Variants in AGBL4 observed in about 807,000 individuals in gnomAD.
The protein encoded by AGBL4 is AGBL carboxypeptidase 4, also known as cytosolic carboxypeptidase 6.
Under a neutral mutation model 66.4 loss-of-function variants are expected in AGBL4, and 58 were observed. The ratio of observed to expected loss-of-function variants is 0.87; its 90% CI spans 0.71 to 1.09. AGBL4 has a LOEUF of 1.09. AGBL4 is among the 50% of genes least tolerant of loss of function. The pLI is 0.00. For synonymous variants in AGBL4, 234 were observed against 222.9 expected, an observed-to-expected ratio of 1.05 and a Z score of -0.44; for missense variants, 579 against 631.0, an observed-to-expected ratio of 0.92 and a Z score of 0.88.
At position 48,895,897 on chromosome 1, in the gene AGBL4, A is replaced by G. The variant is rs369058264; in HGVS notation, c.595-28667T>C. Reference sequence around the variant, plus strand: ...TGTCTGCAAGCCATTGAAGAATGCTATGAAAGAAAATGTACCAAAAGTCTA... The same window carrying G: ...TGTCTGCAAGCCATTGAAGAATGCTGTGAAAGAAAATGTACCAAAAGTCTA... On this transcript the variant is annotated intron_variant, in intron 5 of 13. Coordinates refer to ENST00000371839, the MANE Select transcript of AGBL4 (RefSeq NM_032785.4). 5.9e-5 allele frequency among the ~76,000 whole-genome samples: 9 copies of G among 152,350 alleles called. No individual in the cohort carries two copies. The East Asian group carries it at 1.5e-3, about 26-fold the overall frequency.
intron 3 of AGBL4, among the ~76,000 whole-genome samples, chr1:49,342,046 T>C (rs1464214674): frequency 1.3e-5 from 2 of 152,190 alleles, no homozygotes; most frequent in Admixed American, 1.3e-4. Context: ...ATTGAAACCG[T>C]TGATCATCTG....
chr1:49,948,558 T>C (rs1431808630), intron 1 of AGBL4, among the ~76,000 whole-genome samples: 2 of 108,918 alleles, frequency 1.8e-5, no homozygotes, highest in African/African-American at 6.9e-5. Flanking sequence ...TATATAAATA[T>C]ATAAAAATAT....
chr1:48,728,562 C>A (rs947822133), intron 6 of AGBL4, among the ~76,000 whole-genome samples: 1 of 148,908 alleles, frequency 6.7e-6, no homozygotes, highest in African/African-American at 2.5e-5. Context: ...TTCATTTTCA[C>A]TGATGAGTAG....
At chr1:48,637,586 G>A (rs531829572) in intron 8 of AGBL4, among the ~76,000 whole-genome samples, 1 of 152,220 alleles carries the variant, frequency 6.6e-6, no homozygotes, top group Non-Finnish European at 1.5e-5. Flanking sequence ...TGCCCAGGAC[G>A]TAAACTTGGG....
chr1:49,258,849 A>T (rs1652812568), intron 3 of AGBL4, among the ~76,000 whole-genome samples: 1 of 152,188 alleles, frequency 6.6e-6, no homozygotes, highest in Non-Finnish European at 1.5e-5. Flanking sequence ...CAAGACACAT[A>T]ATTGTCAGAT....
chr1:48,729,930 A>T (rs2148551804), intron 6 of AGBL4, among the ~76,000 whole-genome samples: 1 of 152,296 alleles, frequency 6.6e-6, no homozygotes, highest in African/African-American at 2.4e-5. Flanking sequence ...CTGTCTCTCC[A>T]GTCCCACCTC....
intron 1 of AGBL4, among the ~76,000 whole-genome samples, chr1:49,892,564 T>C (rs147381312): frequency 1.3e-5 from 2 of 152,260 alleles, no homozygotes; most frequent in East Asian, 3.9e-4. Context: ...TGCCAATCAC[T>C]GTACCTTCTA....
intron 1 of AGBL4, among the ~76,000 whole-genome samples, chr1:49,885,552 A>T (rs1304848397): frequency 6.6e-6 from 1 of 152,088 alleles, no homozygotes; most frequent in African/African-American, 2.4e-5. Context: ...CTCCCTAGTC[A>T]CATAGTCTAC....
chr1:48,766,973 G>A (rs1644562543), intron 6 of AGBL4, among the ~76,000 whole-genome samples: 1 of 152,164 alleles, frequency 6.6e-6, no homozygotes, highest in South Asian at 2.1e-4. Context: ...AGAGACACTG[G>A]CTTATATAGT....
chr1:49,270,151 T>C (rs1174807878), intron 3 of AGBL4, among the ~76,000 whole-genome samples: 2 of 152,194 alleles, frequency 1.3e-5, no homozygotes, highest in Non-Finnish European at 2.9e-5. Context: ...TACTTTTTGG[T>C]GCTTTCTGGC....
chr1:49,154,282 G>A (rs998908437), intron 4 of AGBL4, among the ~76,000 whole-genome samples: 2 of 151,730 alleles, frequency 1.3e-5, no homozygotes, highest in Non-Finnish European at 2.9e-5. Flanking sequence ...GGAAAACAGG[G>A]AAAGTAACAG....
chr1:48,845,399 C>T (rs1646886901), intron 6 of AGBL4, among the ~76,000 whole-genome samples: 2 of 152,308 alleles, frequency 1.3e-5, no homozygotes, highest in East Asian at 3.9e-4. Flanking sequence ...AAGGATTTCA[C>T]ACAGAATGCG....
intron 5 of AGBL4, among the ~76,000 whole-genome samples, chr1:49,010,817 A>G (rs1339734641): frequency 2.2e-4 from 34 of 151,946 alleles, no homozygotes; most frequent in African/African-American, 6.8e-4. Context: ...TGGGAAAACT[A>G]GCTAGCCATA....
At chr1:48,594,950 C>T (rs1045373693) in intron 9 of AGBL4, among the ~76,000 whole-genome samples, 4 of 152,104 alleles carry the variant, frequency 2.6e-5, no homozygotes, top group Admixed American at 6.6e-5. Flanking sequence ...AAGCCTATAT[C>T]CTCGACTCAA....
chr1:48,543,223 G>T (rs980144212), intron 11 of AGBL4, among the ~76,000 whole-genome samples: 2 of 152,184 alleles, frequency 1.3e-5, no homozygotes, highest in Non-Finnish European at 2.9e-5. Context: ...AGTAGGTGAG[G>T]GGGGCATGCA....
chr1:49,682,301 G>A (rs956635781), intron 3 of AGBL4, among the ~76,000 whole-genome samples: 4 of 152,062 alleles, frequency 2.6e-5, no homozygotes, highest in African/African-American at 9.7e-5. Flanking sequence ...AGGTACAGGA[G>A]GCTGAGGCAG....
chr1:49,474,725 A>G (rs1414964154), intron 3 of AGBL4, among the ~76,000 whole-genome samples: 1 of 152,066 alleles, frequency 6.6e-6, no homozygotes, highest in Non-Finnish European at 1.5e-5. Flanking sequence ...ATAGGTATAA[A>G]AAAGGTATTG....
intron 3 of AGBL4, among the ~76,000 whole-genome samples, chr1:49,560,447 A>G (rs978104315): frequency 1.3e-5 from 2 of 152,128 alleles, no homozygotes; most frequent in African/African-American, 4.8e-5. Flanking sequence ...AAGACAAAAA[A>G]CAATGAAGCA....
At chr1:49,259,502 C>A (rs1289752099) in intron 3 of AGBL4, among the ~76,000 whole-genome samples, 2 of 150,126 alleles carry the variant, frequency 1.3e-5, no homozygotes, top group Admixed American at 6.7e-5. Flanking sequence ...GCAAGGGTTG[C>A]AATCCTAGTC....
Sources: allele counts gnomAD v4.1 joint callset (sites outside exome capture counted in the v4.1 genomes callset), GRCh38; gene constraint gnomAD v4.1.1; transcripts MANE v1.5; gene names NCBI Gene and HGNC (gene_info 2026-07-23, HGNC 2026-07-21).